The following HDAC2 variants were observed in gnomAD, a reference collection of about 807,000 sequenced individuals.
HDAC2 encodes the protein YY1-associated factor 1.
A neutral mutation model predicts 68.5 loss-of-function variants in HDAC2; 5 were observed. That is an observed-to-expected ratio of 0.07 (90% CI 0.04 to 0.15). The LOEUF is 0.15. Among genes scored for constraint, HDAC2 ranks in the 10% least tolerant of loss-of-function variants. The probability of loss-of-function intolerance (pLI) is 1.00; values close to 1 mark genes in which losing one functional copy is unlikely to be tolerated. For missense variants in HDAC2, 291 were observed against 600.8 expected (o/e 0.48, Z 5.39); for synonymous variants, 182 against 191.3 (o/e 0.95, Z 0.40).
chr6:113,941,340 T>C (rs1028267535), intron 13 of HDAC2, among the ~76,000 whole-genome samples: 2 of 152,100 alleles, frequency 1.3e-5, no homozygotes, highest in African/African-American at 2.4e-5. Flanking sequence ...ACTAAAATCC[T>C]CAACTGTTTT....
Position 113,935,995 on chromosome 6 carries a change from C to T in HDAC2, c.*5063G>A, listed in dbSNP as rs1253586421. 1.3e-5 allele frequency: 2 copies of T among 152,180 alleles called. No homozygotes were observed. The highest frequency in any genetic ancestry group is 2.9e-5 in the Non-Finnish European group (2 of 68,034). 9.4% of individuals were successfully genotyped at this position (152,180 alleles called of 1,614,324 possible). A position where few individuals can be genotyped will look rare whatever the true frequency, so the allele number is the denominator to read the frequency against. On this transcript the variant is annotated 3_prime_UTR_variant, in exon 14 of 14. Transcript: ENST00000519065. ...AACTGATTCTTACCACCAGTCAAAACAGAAAATTATTCTGGCTCTAATATT... is the reference window on the plus strand; with the variant it reads ...AACTGATTCTTACCACCAGTCAAAATAGAAAATTATTCTGGCTCTAATATT...
At chr6:113,964,982 C>T (rs1435472305) in intron 1 of HDAC2, among the ~76,000 whole-genome samples, 1 of 152,204 alleles carries the variant, frequency 6.6e-6, no homozygotes, top group East Asian at 1.9e-4. Flanking sequence ...ATGTCTATTT[C>T]TATCTAAAAT....
rs998461762 is a variant in HDAC2, at chr6:113,934,280, A to G, written c.*6778T>C. 3.3e-5 allele frequency: 5 copies of G among 152,222 alleles called. No individual in the cohort carries two copies. The highest frequency in any genetic ancestry group is 7.3e-5 in the Non-Finnish European group (5 of 68,038). 9.4% of individuals were successfully genotyped at this position (152,222 alleles called of 1,614,324 possible). The stretch of plus-strand genomic sequence containing the variant: ...ATCTCAAGGCCAGAAAGGAATGATC[A>G]ATTTGTGACATCAGACAGGTAAAAG... On this transcript the variant is annotated 3_prime_UTR_variant, in exon 14 of 14. Coordinates refer to ENST00000519065, the MANE Select transcript of HDAC2 (RefSeq NM_001527.4).
intron 6 of HDAC2, 67 bp from the exon 7 acceptor site, chr6:113,949,327 A>T (rs1439674984): frequency 2.0e-6 from 2 of 977,786 alleles, no homozygotes; most frequent in South Asian, 2.8e-5. Flanking sequence ...TTTGTTTACT[A>T]CATTTTGAAA....
chr6:113,967,377 C>T (rs987466167), intron 1 of HDAC2, among the ~76,000 whole-genome samples: 2 of 152,208 alleles, frequency 1.3e-5, no homozygotes, highest in African/African-American at 2.4e-5. Context: ...GATTTGCCTG[C>T]CTCAGTCTCC....
At chr6:113,955,910 A>G in intron 5 of HDAC2, 103 bp downstream of exon 5, 3 of 783,388 alleles carry the variant, frequency 3.8e-6, no homozygotes, top group South Asian at 4.8e-5. Context: ...AACTATTTCA[A>G]CCTATGGTTT....
intron 8 of HDAC2, chr6:113,947,014 G>A (rs1323623373): frequency 6.6e-6 from 1 of 152,044 alleles, no homozygotes; most frequent in African/African-American, 2.4e-5. Context: ...TTCTCTTCAT[G>A]TAACTGTATA....
At chr6:113,962,310 G>A (rs774753164) in intron 1 of HDAC2, 9 of 464,794 alleles carry the variant, frequency 1.9e-5, no homozygotes, top group Non-Finnish European at 2.5e-5. Flanking sequence ...CTCTGGCAGG[G>A]CAGCTCACAG....
At chr6:113,955,191 G>A (rs1337397798) in intron 5 of HDAC2, among the ~76,000 whole-genome samples, 1 of 151,918 alleles carries the variant, frequency 6.6e-6, no homozygotes, top group Non-Finnish European at 1.5e-5. Flanking sequence ...TTTAATGGGA[G>A]TTTTGACATT....
chr6:113,954,686 T>A (rs1033932808), intron 5 of HDAC2, among the ~76,000 whole-genome samples: 1 of 152,268 alleles, frequency 6.6e-6, no homozygotes, highest in Admixed American at 6.5e-5. Flanking sequence ...GTTACACTGA[T>A]ACTGCTCAAT....
At chr6:113,963,533 T>C (rs1158310614) in intron 1 of HDAC2, among the ~76,000 whole-genome samples, 1 of 152,218 alleles carries the variant, frequency 6.6e-6, no homozygotes, top group Non-Finnish European at 1.5e-5. Context: ...AATCCAAAAA[T>C]TTGATATCCA....
intron 10 of HDAC2, 144 bp from the exon 11 acceptor site, chr6:113,944,554 G>T (rs1228796592): frequency 3.0e-6 from 2 of 661,462 alleles, no homozygotes; most frequent in Non-Finnish European, 5.2e-6. Flanking sequence ...GCCCAGACTA[G>T]AGTGCAGTGG....
intron 1 of HDAC2, chr6:113,970,065 T>C (rs928297499): frequency 5.3e-5 from 8 of 152,218 alleles, no homozygotes; most frequent in African/African-American, 1.7e-4. Context: ...CTACGAAGTC[T>C]TTCTGCCTGA....
chr6:113,941,068 C>T lies in HDAC2; in HGVS notation c.1457G>A (p.Ser486Asn), dbSNP rs1342989222. Reference protein sequence around the residue: ...DTKGTKSEQLSNP With the variant: ...DTKGTKSEQLNNP ...GTGAGACTGTCAAATTCAGGGGTTG[C>T]TGAGCTGTTCTGATTTGGTTCTGTT... The change falls in exon 14 of 14, where the codon AGC becomes AAC. Residue 486 changes from serine to asparagine, a missense_variant. Physicochemically the swap from Ser to Asn is conservative, Grantham distance 46 (BLOSUM62 1). This residue lies in a region of HDAC2 where 137 missense variants were observed against 128.7 expected (regional missense o/e 1.06). Coordinates refer to ENST00000519065, the MANE Select transcript of HDAC2 (RefSeq NM_001527.4). 3 of 1,608,404 alleles carry T rather than the reference C, an allele frequency of 1.9e-6. No individual in the cohort carries two copies. Among genetic ancestry groups the T allele is most frequent in the Non-Finnish European group, 2.5e-6 (3 of 1,177,610 alleles).
At chr6:113,948,266 G>A (rs982076137) in intron 8 of HDAC2, 1 of 152,236 alleles carries the variant, frequency 6.6e-6, no homozygotes, top group South Asian at 2.1e-4. Context: ...ACAGAGAACA[G>A]AGCCACCAGG....
rs1327923194 is a variant in HDAC2, at chr6:113,940,038, T to C, written c.*1020A>G. 6.6e-6 allele frequency: 1 copy of C among 152,238 alleles called. No homozygotes were observed. The highest frequency in any genetic ancestry group is 1.5e-5 in the Non-Finnish European group (1 of 68,032). The allele number at this position is 152,238 out of a possible 1,614,324, so 9.4% of individuals were successfully genotyped here. A position where few individuals can be genotyped will look rare whatever the true frequency, so the allele number is the denominator to read the frequency against. ...AAGTTCCTAAAATGTTTTGTCTTCTTTGCACATCTTAGTAGCAGGAGTTAC... is the reference window on the plus strand; with the variant it reads ...AAGTTCCTAAAATGTTTTGTCTTCTCTGCACATCTTAGTAGCAGGAGTTAC... On this transcript the variant is annotated 3_prime_UTR_variant, in exon 14 of 14. Coordinates refer to ENST00000519065, the MANE Select transcript of HDAC2 (RefSeq NM_001527.4).
rs1776035733 is a variant in HDAC2, at chr6:113,937,742, C to A, written c.*3316G>T. ...TGGTGCACACTTGTAGTCCCAGCTA[C>A]TTGGGAGGCTGAGGTGGGAGAATAC... On this transcript the variant is annotated 3_prime_UTR_variant, in exon 14 of 14. Coordinates refer to ENST00000519065, the MANE Select transcript of HDAC2 (RefSeq NM_001527.4). 6.6e-6 allele frequency: 1 copy of A among 152,202 alleles called. No individual in the cohort carries two copies. Among genetic ancestry groups the A allele is most frequent in the South Asian group, 2.1e-4 (1 of 4,828 alleles). 9.4% of individuals were successfully genotyped at this position (152,202 alleles called of 1,614,324 possible).
intron 10 of HDAC2, 44 bp downstream of exon 10, chr6:113,945,318 T>C: frequency 1.1e-6 from 1 of 929,724 alleles, no homozygotes; most frequent in Non-Finnish European, 1.7e-6. Flanking sequence ...ACTAAATCTT[T>C]GTCAAGATAA....
chr6:113,966,556 CAA>C (rs57345054), intron 1 of HDAC2, among the ~76,000 whole-genome samples: 20 of 107,322 alleles, frequency 1.9e-4, no homozygotes, highest in Admixed American at 6.9e-4. Context: ...AATTCCATCT[CAA>C]AAAAAAAAAA....
Sources: allele counts gnomAD v4.1 joint callset (sites outside exome capture counted in the v4.1 genomes callset), GRCh38; gene constraint gnomAD v4.1.1; regional missense constraint gnomAD v4.1.1; transcripts MANE v1.5; gene names NCBI Gene and HGNC (gene_info 2026-07-23, HGNC 2026-07-21).